The following SYT14 variants were observed in gnomAD, a reference collection of about 807,000 sequenced individuals.
SYT14 encodes synaptotagmin 14.
SYT14 carries 32 observed loss-of-function variants against 74.2 expected under a neutral mutation model. The ratio of observed to expected loss-of-function variants is 0.43; its 90% CI spans 0.33 to 0.58. SYT14 has a LOEUF of 0.58. Among genes scored for constraint, SYT14 ranks in the 20% least tolerant of loss-of-function variants. The probability of loss-of-function intolerance (pLI) is 0.05; values close to 1 mark genes in which losing one functional copy is unlikely to be tolerated. For synonymous variants in SYT14, 298 were observed against 337.7 expected (o/e 0.88, Z 1.29); for missense variants, 791 against 981.8 (o/e 0.81, Z 2.60).
intron 2 of SYT14, among the ~76,000 whole-genome samples, chr1:209,974,055 G>T (rs1425588995): frequency 8.6e-5 from 13 of 151,806 alleles, no homozygotes; most frequent in Admixed American, 2.6e-4. Context: ...TTTTGATGGG[G>T]TTGTTTTTTT....
At chr1:210,102,842 T>C (rs2082092337) in intron 7 of SYT14, among the ~76,000 whole-genome samples, 1 of 151,772 alleles carries the variant, frequency 6.6e-6, no homozygotes, top group Non-Finnish European at 1.5e-5. Flanking sequence ...CCACCAGGCC[T>C]GGCTAATTTT....
chr1:210,091,991 G>T (rs988397661), intron 5 of SYT14, among the ~76,000 whole-genome samples: 1 of 152,096 alleles, frequency 6.6e-6, no homozygotes, highest in Non-Finnish European at 1.5e-5. Context: ...AACCACTTAC[G>T]TTGGAAAATT....
At chr1:210,001,855 A>G (rs1411593729) in intron 2 of SYT14, among the ~76,000 whole-genome samples, 1 of 152,202 alleles carries the variant, frequency 6.6e-6, no homozygotes, top group African/African-American at 2.4e-5. Flanking sequence ...TGTGAGAAAC[A>G]TCAAGGCCGA....
At chr1:210,048,157 A>G (rs1260225484) in intron 5 of SYT14, among the ~76,000 whole-genome samples, 1 of 152,144 alleles carries the variant, frequency 6.6e-6, no homozygotes, top group Non-Finnish European at 1.5e-5. Context: ...TTTCTTTAGT[A>G]TTGATACTCA....
exon 10 of SYT14, chr1:210,168,635 T>C (rs1184356679): frequency 6.6e-6 from 1 of 152,136 alleles, no homozygotes; most frequent in African/African-American, 2.4e-5. Flanking sequence ...AATGAGAAAA[T>C]AGGAATTTTT....
chr1:210,161,860 A>T (rs1267119629), exon 10 of SYT14: 1 of 451,540 alleles, frequency 2.2e-6, no homozygotes, highest in Non-Finnish European at 4.4e-6. Flanking sequence ...ATAGAGCAGG[A>T]CTTTACTTTC....
At chr1:210,105,009 A>G (rs903706476) in intron 7 of SYT14, among the ~76,000 whole-genome samples, 1 of 152,110 alleles carries the variant, frequency 6.6e-6, no homozygotes, top group Non-Finnish European at 1.5e-5. Context: ...CAGCAGGCGT[A>G]CCTGTTAAGT....
intron 5 of SYT14, among the ~76,000 whole-genome samples, chr1:210,063,567 T>C (rs2081243832): frequency 6.6e-6 from 1 of 151,890 alleles, no homozygotes; most frequent in Non-Finnish European, 1.5e-5. Flanking sequence ...TGTTGAGTGT[T>C]TCTTGATTAC....
chr1:210,139,615 C>G (rs1229067603), intron 7 of SYT14, among the ~76,000 whole-genome samples: 2 of 152,072 alleles, frequency 1.3e-5, no homozygotes, highest in Admixed American at 6.6e-5. Context: ...TTTTTATTAT[C>G]CCCGCCACGA....
chr1:209,990,551 A>ACG lies in SYT14; in HGVS notation c.-485-23082_-485-23081insCG, dbSNP rs367930691. Among the ~76,000 whole-genome samples, 54 of 113,094 alleles carry ACG rather than the reference A, an allele frequency of 4.8e-4. 1 individual carries two copies. In the East Asian group the frequency reaches 5.9e-3, roughly 12 times the overall value. 74.2% of individuals were successfully genotyped at this position (113,094 alleles called of 152,430 possible). A position where few individuals can be genotyped will look rare whatever the true frequency, so the allele number is the denominator to read the frequency against. ...TATATATATATACGTATATATATGTATATATATACGTATATATATGTATGT... is the reference window on the plus strand; with the variant it reads ...TATATATATATACGTATATATATGTACGTATATATACGTATATATATGTATGT... On this transcript the variant is annotated intron_variant, in intron 2 of 9. Coordinates refer to ENST00000637265, the Ensembl canonical transcript of SYT14.
At chr1:210,064,009 A>G (rs914394934) in intron 5 of SYT14, among the ~76,000 whole-genome samples, 1 of 151,834 alleles carries the variant, frequency 6.6e-6, no homozygotes, top group African/African-American at 2.4e-5. Context: ...TTCACGATCC[A>G]TTTTTCCAAA....
intron 2 of SYT14, among the ~76,000 whole-genome samples, chr1:209,996,609 A>G (rs1294855296): frequency 1.3e-5 from 2 of 152,114 alleles, no homozygotes; most frequent in East Asian, 3.9e-4. Context: ...TCATTCTACA[A>G]AGCCAGCATC....
chr1:209,979,320 G>T (rs1398076086), intron 2 of SYT14, among the ~76,000 whole-genome samples: 1 of 152,160 alleles, frequency 6.6e-6, no homozygotes, highest in Non-Finnish European at 1.5e-5. Context: ...CTAGACTGGA[G>T]CTGTTCCTAT....
At chr1:209,987,468 G>A (rs1390101728) in intron 2 of SYT14, among the ~76,000 whole-genome samples, 2 of 152,204 alleles carry the variant, frequency 1.3e-5, no homozygotes, top group Non-Finnish European at 2.9e-5. Context: ...GAAAACAGGA[G>A]CAAGAGAGAA....
At chr1:210,047,444 C>G (rs908907596) in intron 5 of SYT14, among the ~76,000 whole-genome samples, 4 of 152,062 alleles carry the variant, frequency 2.6e-5, no homozygotes, top group Non-Finnish European at 5.9e-5. Flanking sequence ...GTCGGCCGGG[C>G]TGGAGTGCAA....
At chr1:210,102,007 T>C (rs879271204) in intron 7 of SYT14, among the ~76,000 whole-genome samples, 1 of 152,236 alleles carries the variant, frequency 6.6e-6, no homozygotes, top group Admixed American at 6.5e-5. Context: ...TAGCTTCTAG[T>C]CATTGATTCT....
chr1:210,049,951 G>A (rs925618800), intron 5 of SYT14, among the ~76,000 whole-genome samples: 1 of 152,264 alleles, frequency 6.6e-6, no homozygotes, highest in South Asian at 2.1e-4. Context: ...AGGGGCTGCG[G>A]TGAAGACCTC....
At chr1:210,145,841 T>C (rs1224518144) in intron 7 of SYT14, among the ~76,000 whole-genome samples, 1 of 152,196 alleles carries the variant, frequency 6.6e-6, no homozygotes, top group Non-Finnish European at 1.5e-5. Context: ...TCCAGAATAT[T>C]GTTTCTGTTA....
intron 5 of SYT14, among the ~76,000 whole-genome samples, chr1:210,029,890 ATTTAT>A (rs1455244812): frequency 6.6e-6 from 1 of 152,090 alleles, no homozygotes; most frequent in Non-Finnish European, 1.5e-5. Context: ...GTGCCTTCTC[ATTTAT>A]TTATTTATGT....
Sources: allele counts gnomAD v4.1 joint callset (sites outside exome capture counted in the v4.1 genomes callset), GRCh38; gene constraint gnomAD v4.1.1; transcripts MANE v1.5; gene names NCBI Gene and HGNC (gene_info 2026-07-23, HGNC 2026-07-21).